RBM17: variants seen among roughly 807,000 people sequenced by gnomAD.
The protein encoded by RBM17 is splicing factor 45.
A neutral mutation model predicts 53.2 loss-of-function variants in RBM17; 7 were observed. That is an observed-to-expected ratio of 0.13 (90% CI 0.07 to 0.25). The LOEUF is 0.25. RBM17 is among the 10% of genes least tolerant of loss of function. The pLI is 1.00. For synonymous variants in RBM17, 167 were observed against 178.1 expected, an observed-to-expected ratio of 0.94 and a Z score of 0.50; for missense variants, 257 against 496.7, an observed-to-expected ratio of 0.52 and a Z score of 4.59.
rs1840814938 is a variant in RBM17, at chr10:6,110,096, G to A, written c.673G>A (p.Gly225Arg). 1.2e-6 allele frequency: 2 copies of A among 1,609,532 alleles called. No individual in the cohort carries two copies. Among genetic ancestry groups the A allele is most frequent in the Non-Finnish European group, 1.7e-6 (2 of 1,177,704 alleles). Residue 225 changes from glycine to arginine, a missense_variant, in exon 7 of 12, where the codon GGA (glycine) becomes AGA (arginine). Transcript: ENST00000379888. ...EEQDRPRSPT[G>R]PSNSFLANMG... ...ACAAGACAGACCGAGATCTCCAACC[G>A]GACCTAGCAACTCCTTCCTCGCTAA... is the stretch of plus-strand genomic sequence containing the variant.
In RBM17 at chr10:6,108,693, C is replaced by T. The variant is rs201553512; in HGVS notation, c.513C>T (p.Gly171=). Residue 171 remains glycine (G), a synonymous_variant, in exon 6 of 12, where the codon GGC becomes GGT. Transcript: ENST00000379888. ...YERERRKRSM[G]GAAIAPPTSL... ...GGATTTGTGGTTTTGCAGGTATGGG[C>T]GGAGCTGCCATTGCCCCACCCACTT... The T allele has an allele frequency of 1.4e-4, 232 of 1,611,780 alleles. 2 individuals carry two copies. Among genetic ancestry groups the T allele is most frequent in the East Asian group, 1.0e-3 (47 of 44,828 alleles).
Position 6,097,139 on chromosome 10 carries a change from T to A in RBM17, c.74T>A (p.Leu25His). ...KTEGWSKNFK[L>H]LQSQLQVKKA... Reference sequence around the variant, plus strand: ...GAAGGCTGGTCCAAAAACTTCAAACTTCTGCAGTCTCAGCTTCAGGTGAAG... The same window carrying A: ...GAAGGCTGGTCCAAAAACTTCAAACATCTGCAGTCTCAGCTTCAGGTGAAG... Residue 25 changes from leucine to histidine, a missense_variant, in exon 2 of 12, where the codon CTT (leucine) becomes CAT (histidine). Physicochemically the swap from Leu to His is moderately conservative, Grantham distance 99 (BLOSUM62 -3). Around this residue, in one of 6 missense-constraint regions of RBM17, gnomAD observed 127 missense variants for 217.2 expected, o/e 0.58. Transcript: ENST00000379888. The A allele has an allele frequency of 6.2e-7, 1 of 1,614,096 alleles. No homozygotes were observed. The highest frequency in any genetic ancestry group is 8.5e-7 in the Non-Finnish European group (1 of 1,179,980).
rs769170561 is a variant in RBM17, at chr10:6,108,794, A to G, written c.562+52A>G. ...TATTCTGATACAGGTCTTTAACCCA[A>G]CCATGGGGGATCTCAGCTTGGGCCC... On this transcript the variant is annotated intron_variant, in intron 6 of 11. Coordinates refer to ENST00000379888, the MANE Select transcript of RBM17 (RefSeq NM_032905.5). 2.8e-6 allele frequency: 4 copies of G among 1,414,672 alleles called. No homozygotes were observed. In the South Asian group the frequency reaches 4.7e-5, roughly 17 times the overall value. The allele number at this position is 1,414,672 out of a possible 1,614,324, so 87.6% of individuals were successfully genotyped here.
At chr10:6,096,964 C>A in intron 1 of RBM17, 84 bp from the exon 2 acceptor site, 1 of 1,385,654 alleles carries the variant, frequency 7.2e-7, no homozygotes, top group Non-Finnish European at 9.9e-7. Flanking sequence ...CCTTTTACCT[C>A]TAAAATTTCA....
chr10:6,107,122 A>G (rs924447356), intron 5 of RBM17, among the ~76,000 whole-genome samples: 3 of 152,218 alleles, frequency 2.0e-5, no homozygotes, highest in Non-Finnish European at 4.4e-5. Flanking sequence ...CAGTCCTGTT[A>G]ATCAAAATGC....
chr10:6,093,701 G>C (rs1840524416), intron 1 of RBM17, among the ~76,000 whole-genome samples: 1 of 152,108 alleles, frequency 6.6e-6, no homozygotes, highest in Non-Finnish European at 1.5e-5. Flanking sequence ...AAGAGAAATG[G>C]GTTGAGTATC....
At chr10:6,100,613 TAATC>T (rs1288608511) in intron 2 of RBM17, among the ~76,000 whole-genome samples, 1 of 152,158 alleles carries the variant, frequency 6.6e-6, no homozygotes, top group Non-Finnish European at 1.5e-5. Context: ...GGACTGTTCT[TAATC>T]AAGACACTTA....
At chr10:6,107,437 C>G (rs576257523) in intron 5 of RBM17, among the ~76,000 whole-genome samples, 9 of 146,940 alleles carry the variant, frequency 6.1e-5, no homozygotes, top group Non-Finnish European at 1.2e-4. Flanking sequence ...CTCAGCCTCC[C>G]AAAGTCCTGG....
At chr10:6,110,199 C>T in intron 7 of RBM17, 72 bp downstream of exon 7, 1 of 1,395,914 alleles carries the variant, frequency 7.2e-7, no homozygotes, top group Non-Finnish European at 9.7e-7. Flanking sequence ...TCAATAGATG[C>T]AGCTTGTTTG....
chr10:6,096,885 C>T (rs1372927421), intron 1 of RBM17, 163 bp from the exon 2 acceptor site: 9 of 517,346 alleles, frequency 1.7e-5, no homozygotes, highest in South Asian at 1.6e-4. Flanking sequence ...GGTCTAGCTT[C>T]ATGTATCAGG....
chr10:6,102,192 G>T (rs1400872000), intron 3 of RBM17, among the ~76,000 whole-genome samples: 1 of 152,202 alleles, frequency 6.6e-6, no homozygotes, highest in Non-Finnish European at 1.5e-5. Flanking sequence ...AAAACCGCTT[G>T]ATGAAAAATG....
chr10:6,105,317 A>G (rs995926695), intron 4 of RBM17, among the ~76,000 whole-genome samples: 1 of 152,198 alleles, frequency 6.6e-6, no homozygotes, highest in Non-Finnish European at 1.5e-5. Context: ...GTATATTTTG[A>G]GTGAGTTGTT....
At chr10:6,110,177 T>C (rs1412961111) in intron 7 of RBM17, 50 bp downstream of exon 7, 2 of 1,509,354 alleles carry the variant, frequency 1.3e-6, no homozygotes, top group East Asian at 2.3e-5. Context: ...GTGTGAAGCG[T>C]TGATAGCCCT....
chr10:6,092,723 G>A (rs1204270236), intron 1 of RBM17, among the ~76,000 whole-genome samples: 2 of 152,208 alleles, frequency 1.3e-5, no homozygotes, highest in East Asian at 1.9e-4. Context: ...TGAGAAAAAC[G>A]AAGAAAGCAC....
intron 1 of RBM17, among the ~76,000 whole-genome samples, chr10:6,094,884 T>C (rs149653637): frequency 1.3e-5 from 2 of 152,340 alleles, no homozygotes; most frequent in African/African-American, 4.8e-5. Flanking sequence ...CAGTTTGGCC[T>C]CATTTCCTAT....
chr10:6,091,225 A>AT (rs1388948970), intron 1 of RBM17, among the ~76,000 whole-genome samples: 1 of 151,614 alleles, frequency 6.6e-6, no homozygotes, highest in African/African-American at 2.4e-5. Context: ...TGCTCGGCCA[A>AT]TTTTTGTATT....
At chr10:6,103,014 A>G (rs578132126) in intron 3 of RBM17, among the ~76,000 whole-genome samples, 2 of 151,554 alleles carry the variant, frequency 1.3e-5, no homozygotes, top group South Asian at 4.2e-4. Flanking sequence ...CTAGTTTTGA[A>G]CTCCTGAGCT....
intron 3 of RBM17, among the ~76,000 whole-genome samples, chr10:6,104,418 A>G (rs1840716561): frequency 6.6e-6 from 1 of 152,212 alleles, no homozygotes; most frequent in African/African-American, 2.4e-5. Context: ...GGGAAGGGAC[A>G]TGTGTTCAGA....
intron 6 of RBM17, 105 bp downstream of exon 6, chr10:6,108,847 G>T (rs966436976): frequency 1.1e-5 from 9 of 802,006 alleles, no homozygotes; most frequent in East Asian, 8.4e-5. Context: ...AGAGGGAAAC[G>T]GCCTGCAAGC....
Sources: gnomAD v4.1 joint callset for allele counts (sites outside exome capture counted in the v4.1 genomes callset) on GRCh38, gnomAD v4.1.1 for gene constraint, gnomAD v4.1.1 regional missense constraint, MANE v1.5 for transcripts, NCBI Gene and HGNC (gene_info 2026-07-23, HGNC 2026-07-21) for gene names.